NIPBL: variants seen among roughly 807,000 people sequenced by gnomAD.
NIPBL encodes the protein nipped-B-like protein.
Under a neutral mutation model 321.8 loss-of-function variants are expected in NIPBL, and 19 were observed. The ratio of observed to expected loss-of-function variants is 0.06; its 90% confidence interval spans 0.04 to 0.09. NIPBL has a LOEUF of 0.09. Ranked by LOEUF, NIPBL falls within the 10% of genes least tolerant of loss-of-function variation. The pLI is 1.00. For synonymous variants in NIPBL, 1,106 were observed against 1,114.1 expected (o/e 0.99, Z 0.14); for missense variants, 2,210 against 3,327.0 (o/e 0.66, Z 8.26).
At chr5:37,051,509 G>A (rs1753541755) in intron 40 of NIPBL, 1 of 488,526 alleles carries the variant, frequency 2.0e-6, no homozygotes, top group African/African-American at 1.9e-5. Context: ...CTTAGTGTGA[G>A]AATGCTTTAT....
At chr5:36,893,688 C>G (rs1746515388) in intron 1 of NIPBL, among the ~76,000 whole-genome samples, 2 of 151,876 alleles carry the variant, frequency 1.3e-5, no homozygotes, top group Non-Finnish European at 2.9e-5. Context: ...TAAAAGATCT[C>G]TCTCTTTTTT....
intron 1 of NIPBL, among the ~76,000 whole-genome samples, chr5:36,877,431 G>A (rs1364259772): frequency 6.6e-6 from 1 of 152,228 alleles, no homozygotes; most frequent in Non-Finnish European, 1.5e-5. Context: ...GCCCGGCGGA[G>A]AGTGCAGGCC....
At chr5:36,902,444 AG>A (rs1415726808) in intron 1 of NIPBL, among the ~76,000 whole-genome samples, 1 of 152,158 alleles carries the variant, frequency 6.6e-6, no homozygotes, top group East Asian at 1.9e-4. Flanking sequence ...ATGTGGTGAA[AG>A]GAAGAGGTCC....
intron 32 of NIPBL, 32 bp from the exon 33 acceptor site, chr5:37,036,347 G>T (rs201918847): frequency 2.6e-6 from 1 of 383,992 alleles, no homozygotes; most frequent in Non-Finnish European, 4.1e-6. Flanking sequence ...ATATATATAT[G>T]TATATATATA....
chr5:36,971,742 T>C (rs1742873360), intron 7 of NIPBL: 1 of 926,508 alleles, frequency 1.1e-6, no homozygotes, highest in African/African-American at 1.8e-5. Flanking sequence ...TTCATTGCCA[T>C]GCTTAGGCTG....
Position 36,950,265 on chromosome 5 carries a change from A to G in NIPBL, c.-79-3353A>G, listed in dbSNP as rs888415191. 1.3e-4 allele frequency among the ~76,000 whole-genome samples: 19 copies of G among 151,992 alleles called. 1 individual carries two copies. The highest frequency in any genetic ancestry group is 7.2e-4 in the Admixed American group (11 of 15,262). ...GTATTGAAAAGATGCCTTTCCCTCT[A>G]TTTGTTTTGAAAAGACTCCTGTTCT... is the stretch of plus-strand genomic sequence containing the variant. On this transcript the variant is annotated intron_variant, in intron 1 of 46. Coordinates refer to ENST00000282516, the MANE Select transcript of NIPBL (RefSeq NM_133433.4).
chr5:36,963,612 C>T (rs1017468332), intron 6 of NIPBL, among the ~76,000 whole-genome samples: 2 of 150,540 alleles, frequency 1.3e-5, no homozygotes, highest in African/African-American at 4.9e-5. Context: ...GACCAGCCTG[C>T]GCAACATAGT....
intron 42 of NIPBL, 27 bp from the exon 43 acceptor site, chr5:37,057,159 A>C (rs1754188328): frequency 6.2e-7 from 1 of 1,610,752 alleles, no homozygotes; most frequent in Non-Finnish European, 8.5e-7. Context: ...TCCGCTAAAC[A>C]TGTGTGCTTT....
Position 37,048,819 on chromosome 5 carries a change from T to C in NIPBL, c.6763+144T>C, listed in dbSNP as rs1035544974. ...CAGTCCTTATGCTGAGGTCTATAGC[T>C]GGGCTTTAGCATATTCTTAAATTCT... is the stretch of plus-strand genomic sequence containing the variant. On this transcript the variant is annotated intron_variant, in intron 39 of 46. Coordinates refer to ENST00000282516, the MANE Select transcript of NIPBL (RefSeq NM_133433.4). The C allele has an allele frequency of 9.5e-6, 7 of 737,942 alleles. No individual in the cohort carries two copies. In the African/African-American group the frequency reaches 1.2e-4, roughly 13 times the overall value. 45.7% of individuals were successfully genotyped at this position (737,942 alleles called of 1,614,324 possible). A position where few individuals can be genotyped will look rare whatever the true frequency, so the allele number is the denominator to read the frequency against.
Position 37,026,222 on chromosome 5 carries a change from C to T in NIPBL, c.5710-7C>T. On this transcript the variant is annotated splice_polypyrimidine_tract_variant and splice_region_variant and intron_variant, in intron 30 of 46. Coordinates refer to ENST00000282516, the MANE Select transcript of NIPBL (RefSeq NM_133433.4). Reference sequence around the variant, plus strand: ...ATTAGTTAATTTGAAATTTCTCTTCCTTCTAGAAATTAGTAAATGAAACAT... The same window carrying T: ...ATTAGTTAATTTGAAATTTCTCTTCTTTCTAGAAATTAGTAAATGAAACAT... 4.6e-6 allele frequency: 7 copies of T among 1,536,472 alleles called. No homozygotes were observed. Among genetic ancestry groups the T allele is most frequent in the Non-Finnish European group, 6.3e-6 (7 of 1,111,054 alleles).
At chr5:37,003,699 G>A (rs1008239364) in intron 16 of NIPBL, among the ~76,000 whole-genome samples, 7 of 97,234 alleles carry the variant, frequency 7.2e-5, no homozygotes, top group African/African-American at 4.6e-4. Flanking sequence ...TGACTCTCAT[G>A]TGGGGGAAAT....
At chr5:36,941,128 A>G (rs1229211009) in intron 1 of NIPBL, among the ~76,000 whole-genome samples, 1 of 152,156 alleles carries the variant, frequency 6.6e-6, no homozygotes, top group Non-Finnish European at 1.5e-5. Flanking sequence ...GAAATTAATC[A>G]CTTAATAAGT....
At chr5:36,950,937 C>G (rs990632627) in intron 1 of NIPBL, among the ~76,000 whole-genome samples, 1 of 152,106 alleles carries the variant, frequency 6.6e-6, no homozygotes, top group Non-Finnish European at 1.5e-5. Flanking sequence ...GTGACTTTAG[C>G]TAAAATTGTA....
chr5:36,925,362 G>T (rs1323724408), intron 1 of NIPBL, among the ~76,000 whole-genome samples: 2 of 150,744 alleles, frequency 1.3e-5, no homozygotes, highest in African/African-American at 4.9e-5. Flanking sequence ...TCCGCCTCCT[G>T]GGTTCAAGTG....
rs189043191 is a variant in NIPBL at position 37,030,608 on chromosome 5, G to A, written c.5862+3196G>A. 4.1e-4 allele frequency among the ~76,000 whole-genome samples: 62 copies of A among 151,996 alleles called. No homozygotes were observed. In the East Asian group the frequency reaches 6.6e-3, roughly 16 times the overall value. On this transcript the variant is annotated intron_variant, in intron 32 of 46. Coordinates refer to ENST00000282516, the MANE Select transcript of NIPBL (RefSeq NM_133433.4). Reference sequence around the variant, plus strand: ...TTTTTATTTTTGGATTGGGTTTTTGGGGTTTGTTGTTGTTGTTTGTTTTTT... The same window carrying A: ...TTTTTATTTTTGGATTGGGTTTTTGAGGTTTGTTGTTGTTGTTTGTTTTTT...
intron 1 of NIPBL, among the ~76,000 whole-genome samples, chr5:36,881,168 A>G (rs1745474158): frequency 6.6e-6 from 1 of 152,000 alleles, no homozygotes; most frequent in African/African-American, 2.4e-5. Flanking sequence ...GTTGATTTAA[A>G]AGGAATTTTA....
chr5:36,879,683 G>T (rs987182884), intron 1 of NIPBL, among the ~76,000 whole-genome samples: 8 of 152,184 alleles, frequency 5.3e-5, no homozygotes, highest in Admixed American at 5.2e-4. Context: ...GAAATCAGAA[G>T]TGTTCCAGTA....
At chr5:36,930,957 T>C (rs1292496490) in intron 1 of NIPBL, among the ~76,000 whole-genome samples, 2 of 152,186 alleles carry the variant, frequency 1.3e-5, no homozygotes, top group African/African-American at 4.8e-5. Flanking sequence ...TAAAAAATAA[T>C]TTTTGTATGT....
At chr5:36,904,081 A>T (rs1747438302) in intron 1 of NIPBL, among the ~76,000 whole-genome samples, 1 of 152,236 alleles carries the variant, frequency 6.6e-6, no homozygotes, top group Non-Finnish European at 1.5e-5. Flanking sequence ...AGTTGAGATA[A>T]TATAAATAGA....
Sources: gnomAD v4.1 joint callset for allele counts (sites outside exome capture counted in the v4.1 genomes callset) on GRCh38, gnomAD v4.1.1 for gene constraint, MANE v1.5 for transcripts, NCBI Gene and HGNC (gene_info 2026-07-23, HGNC 2026-07-21) for gene names.